The following INPP5D variants were observed in gnomAD, a reference collection of about 807,000 sequenced individuals.
INPP5D encodes the protein phosphatidylinositol 3,4,5-trisphosphate 5-phosphatase 1.
In INPP5D, 33 loss-of-function variants were observed where a neutral mutation model predicts 122.9. The observed-to-expected ratio is 0.27, with a 90% CI of 0.20 to 0.36. INPP5D has a LOEUF of 0.36. INPP5D is among the 10% of genes least tolerant of loss of function. INPP5D has a pLI of 1.00. For missense variants in INPP5D, 1,053 were observed against 1,412.7 expected (o/e 0.75, Z 4.08); for synonymous variants, 584 against 576.2 (o/e 1.01, Z -0.19).
intron 25 of INPP5D, among the ~76,000 whole-genome samples, chr2:233,201,530 G>A (rs996022162): frequency 9.2e-5 from 14 of 152,292 alleles, no homozygotes; most frequent in African/African-American, 1.2e-4. Context: ...ATCCCTTTCC[G>A]CTGCTCCAGG....
chr2:233,147,404 G>T (rs866195903), intron 8 of INPP5D, 67 bp from the exon 9 acceptor site: 2 of 695,128 alleles, frequency 2.9e-6, no homozygotes, highest in Non-Finnish European at 5.3e-6. Context: ...CAAGGGGTTC[G>T]GGCGGGGGAA....
intron 18 of INPP5D, among the ~76,000 whole-genome samples, chr2:233,179,472 A>G (rs979900590): frequency 1.3e-5 from 2 of 152,210 alleles, no homozygotes; most frequent in African/African-American, 2.4e-5. Context: ...GGCATTCAAA[A>G]CTGCTCGACA....
Position 233,170,668 on chromosome 2 carries a change from C to G in INPP5D, c.1900+64C>G. On this transcript the variant is annotated intron_variant, in intron 16 of 26. Coordinates refer to ENST00000445964, the MANE Select transcript of INPP5D (RefSeq NM_001017915.3). This position sits in a 1 kb window ranked among gnomAD's most constrained non-coding sequence, Gnocchi z 4.5. ...CCTGTAATCCCAGCACTTTAGGAGG[C>G]CGAGGCGGGCGGATCACGAGATCAG... The G allele has an allele frequency of 6.3e-7, 1 of 1,580,868 alleles. No individual in the cohort carries two copies. The highest frequency in any genetic ancestry group is 8.6e-7 in the Non-Finnish European group (1 of 1,159,312).
At position 233,105,602 on chromosome 2, in the gene INPP5D, G is replaced by A. The variant is rs1036571242; in HGVS notation, c.199-16505G>A. Among the ~76,000 whole-genome samples, 14 of 152,210 alleles carry A rather than the reference G, an allele frequency of 9.2e-5. No individual in the cohort carries two copies. The highest frequency in any genetic ancestry group is 1.5e-5 in the Non-Finnish European group (1 of 68,048). On this transcript the variant is annotated intron_variant, in intron 2 of 26. Coordinates refer to ENST00000445964, the MANE Select transcript of INPP5D (RefSeq NM_001017915.3). The surrounding 1 kb of genome is among the most constrained non-coding windows in gnomAD (Gnocchi z 4.0). ...GTTGGTCCCTGATGCCGGGGGCTGA[G>A]CCGGGGGGAAGAGAGCCAGAGGGGA...
rs916126154 is a variant in INPP5D, at chr2:233,171,145, C to T, written c.1982C>T (p.Ala661Val). The change falls in exon 17 of 27, where the codon GCG becomes GTG. Residue 661 changes from alanine to valine, a missense_variant. Ala to Val is a moderately conservative substitution (Grantham distance 64). Around this residue, in one of 6 missense-constraint regions of INPP5D, gnomAD observed 258 missense variants for 439.1 expected, o/e 0.59. Transcript: ENST00000445964. ...RDKYAYTKQK[A>V]TGMKYNLPSW... ...AAATACGCCTACACCAAGCAGAAAGCGACAGGGGTGAGTCCTCTTCATAGA... is the reference window on the plus strand; with the variant it reads ...AAATACGCCTACACCAAGCAGAAAGTGACAGGGGTGAGTCCTCTTCATAGA... 3.1e-6 allele frequency: 5 copies of T among 1,613,492 alleles called. No homozygotes were observed. In the African/African-American group the frequency reaches 4.0e-5, roughly 13 times the overall value.
Position 233,109,137 on chromosome 2 carries a change from C to T in INPP5D, c.199-12970C>T, listed in dbSNP as rs144554696. On this transcript the variant is annotated intron_variant, in intron 2 of 26. Coordinates refer to ENST00000445964, the MANE Select transcript of INPP5D (RefSeq NM_001017915.3). ...GTCACAAAATGAGACCTGCCTTGCT[C>T]TTCTGTGGATGGAAACTTGCAGGAG... Among the ~76,000 whole-genome samples, 57 of 152,336 alleles carry T rather than the reference C, an allele frequency of 3.7e-4. 1 individual carries two copies. Among genetic ancestry groups the T allele is most frequent in the Admixed American group, 2.2e-3 (33 of 15,296 alleles).
At chr2:233,092,986 C>G (rs765578187) in intron 2 of INPP5D, among the ~76,000 whole-genome samples, 2 of 152,044 alleles carry the variant, frequency 1.3e-5, no homozygotes, top group Non-Finnish European at 2.9e-5. Flanking sequence ...AATCTTGACT[C>G]TAAGATAAAA....
intron 23 of INPP5D, among the ~76,000 whole-genome samples, chr2:233,194,697 C>A (rs754962421): frequency 6.6e-6 from 1 of 152,044 alleles, no homozygotes; most frequent in Non-Finnish European, 1.5e-5. Flanking sequence ...AGGGTTTCAC[C>A]ACGTTGACTA....
At chr2:233,151,891 G>A (rs1049212767) in intron 9 of INPP5D, among the ~76,000 whole-genome samples, 2 of 152,234 alleles carry the variant, frequency 1.3e-5, no homozygotes, top group African/African-American at 2.4e-5. Flanking sequence ...ACACATGAAT[G>A]AGAGAATGAA....
intron 1 of INPP5D, among the ~76,000 whole-genome samples, chr2:233,064,120 T>C (rs1691148131): frequency 6.6e-6 from 1 of 152,290 alleles, no homozygotes; most frequent in Non-Finnish European, 1.5e-5. Context: ...GTATATAGGC[T>C]GCCCTCTCTG....
At chr2:233,094,856 G>A (rs112081512) in intron 2 of INPP5D, among the ~76,000 whole-genome samples, 72 of 152,258 alleles carry the variant, frequency 4.7e-4, no homozygotes, top group African/African-American at 1.5e-3. Context: ...TGCTCTGGAG[G>A]GCAAATTGCC....
At chr2:233,115,776 G>A (rs1692770661) in intron 2 of INPP5D, among the ~76,000 whole-genome samples, 1 of 152,170 alleles carries the variant, frequency 6.6e-6, no homozygotes, top group South Asian at 2.1e-4. Flanking sequence ...CAACACAGTG[G>A]TGGGGGCTGC....
intron 2 of INPP5D, among the ~76,000 whole-genome samples, chr2:233,087,727 A>C (rs186331394): frequency 6.6e-6 from 1 of 152,346 alleles, no homozygotes; most frequent in Admixed American, 6.5e-5. Context: ...TTATTGAATG[A>C]ATTAACTCTT....
At chr2:233,094,908 T>A (rs935587444) in intron 2 of INPP5D, among the ~76,000 whole-genome samples, 1 of 152,204 alleles carries the variant, frequency 6.6e-6, no homozygotes, top group Non-Finnish European at 1.5e-5. Context: ...CAGTGAGGAA[T>A]GTTCTCCCAC....
rs943253503 is a variant in INPP5D at position 233,183,025 on chromosome 2, C to T, written c.2161+526C>T. ...CGTGGTAGGCAGAGATGGTAAAAAT[C>T]GTTAAGATGGGATGCAAATGACTGA... On this transcript the variant is annotated intron_variant, in intron 19 of 26. Transcript: ENST00000445964. The surrounding 1 kb of genome is among the most constrained non-coding windows in gnomAD (Gnocchi z 4.6). Among the ~76,000 whole-genome samples the T allele has an allele frequency of 1.3e-5, 2 of 152,060 alleles. No individual in the cohort carries two copies. Among genetic ancestry groups the T allele is most frequent in the Admixed American group, 6.6e-5 (1 of 15,266 alleles).
chr2:233,182,238 C>T (rs75703185), intron 18 of INPP5D, among the ~76,000 whole-genome samples, 172 bp from the exon 19 acceptor site: 68 of 152,368 alleles, frequency 4.5e-4, no homozygotes, highest in Non-Finnish European at 7.8e-4. Context: ...AGTGTCCACA[C>T]TGTCTTCCAC....
intron 2 of INPP5D, among the ~76,000 whole-genome samples, chr2:233,121,171 G>A (rs555391140): frequency 4.6e-5 from 6 of 130,028 alleles, no homozygotes; most frequent in South Asian, 2.4e-4. Context: ...TCACTCTGTC[G>A]CCCAGGCTGG....
intron 25 of INPP5D, among the ~76,000 whole-genome samples, chr2:233,201,832 T>G (rs1225197159): frequency 4.6e-5 from 7 of 152,176 alleles, no homozygotes; most frequent in Non-Finnish European, 1.0e-4. Flanking sequence ...ATCTGAGAAG[T>G]ACAGTCATTT....
chr2:233,192,869 C>T (rs1462543566), intron 22 of INPP5D, among the ~76,000 whole-genome samples: 3 of 152,252 alleles, frequency 2.0e-5, no homozygotes, highest in African/African-American at 7.2e-5. Context: ...CAGCTGACCT[C>T]ACCACGGATA....
Sources: gnomAD v4.1 joint callset for allele counts (sites outside exome capture counted in the v4.1 genomes callset) on GRCh38, gnomAD v4.1.1 for gene constraint, gnomAD v4.1.1 regional missense constraint, Gnocchi (gnomAD v3.1) non-coding constraint, MANE v1.5 for transcripts, NCBI Gene and HGNC (gene_info 2026-07-23, HGNC 2026-07-21) for gene names.